Variants in CA10 observed in about 807,000 individuals in gnomAD.
The protein encoded by CA10 is carbonic anhydrase 10 (inactive).
CA10 carries 14 observed loss-of-function variants against 44.2 expected under a neutral mutation model. That is an observed-to-expected ratio of 0.32 (90% CI 0.21 to 0.50). The LOEUF (loss-of-function observed/expected upper bound fraction) is 0.50. CA10 is among the 20% of genes least tolerant of loss of function. The probability of loss-of-function intolerance (pLI) is 0.99; values close to 1 mark genes in which losing one functional copy is unlikely to be tolerated. For synonymous variants in CA10, 159 were observed against 141.6 expected (o/e 1.12, Z -0.87); for missense variants, 350 against 409.7 (o/e 0.85, Z 1.26).
intron 3 of CA10, among the ~76,000 whole-genome samples, chr17:51,766,893 C>A (rs183706941): frequency 6.6e-6 from 1 of 152,282 alleles, no homozygotes; most frequent in East Asian, 1.9e-4. Context: ...CTAAGTTCAA[C>A]ATCCTGCCAG....
In CA10 at chr17:51,717,700, T is replaced by TGTATATATACATATATAC. The variant is rs1164592927; in HGVS notation, c.465+29915_465+29932dup. 4.3e-4 allele frequency among the ~76,000 whole-genome samples: 29 copies of TGTATATATACATATATAC among 67,516 alleles called. 2 individuals are homozygous for TGTATATATACATATATAC. The highest frequency in any genetic ancestry group is 1.2e-3 in the Admixed American group (6 of 4,922). 44.3% of individuals were successfully genotyped at this position (67,516 alleles called of 152,430 possible). On this transcript the variant is annotated intron_variant, in intron 4 of 8. Coordinates refer to ENST00000451037, the MANE Select transcript of CA10 (RefSeq NM_020178.5). The stretch of plus-strand genomic sequence containing the variant: ...ATGTATATATGTATACATATATGCA[T>TGTATATATACATATATAC]GTATATATACATATATACGTATATA...
At chr17:51,825,706 G>A (rs919429386) in intron 3 of CA10, among the ~76,000 whole-genome samples, 5 of 152,140 alleles carry the variant, frequency 3.3e-5, no homozygotes, top group African/African-American at 4.8e-5. Context: ...ATAGTGTCTT[G>A]CCTATGACTC....
intron 3 of CA10, among the ~76,000 whole-genome samples, chr17:51,756,647 T>G (rs1905089796): frequency 1.3e-5 from 2 of 151,962 alleles, no homozygotes; most frequent in African/African-American, 4.8e-5. Context: ...CTTTTTTTTT[T>G]TGTATTTTTT....
intron 2 of CA10, among the ~76,000 whole-genome samples, chr17:52,070,052 G>GCC (rs1490280006): frequency 1.3e-5 from 2 of 152,178 alleles, no homozygotes; most frequent in African/African-American, 4.8e-5. Context: ...AGATGTTAGA[G>GCC]CCCCAGGTTC....
chr17:52,007,403 G>A (rs988870220), intron 2 of CA10, among the ~76,000 whole-genome samples: 4 of 151,636 alleles, frequency 2.6e-5, no homozygotes, highest in Middle Eastern at 3.6e-3. Flanking sequence ...TAGATTAAGA[G>A]TATTTGATCC....
chr17:52,053,594 T>C (rs1201538783), intron 2 of CA10, among the ~76,000 whole-genome samples: 1 of 152,038 alleles, frequency 6.6e-6, no homozygotes, highest in East Asian at 1.9e-4. Flanking sequence ...GAATGGACAT[T>C]GCTGAAAGCC....
At chr17:51,674,742 T>G (rs1914555028) in intron 4 of CA10, among the ~76,000 whole-genome samples, 1 of 152,208 alleles carries the variant, frequency 6.6e-6, no homozygotes, top group East Asian at 1.9e-4. Context: ...AGCAGTTCAC[T>G]TAACATTTTA....
chr17:52,064,579 TA>T (rs1231350207), intron 2 of CA10, among the ~76,000 whole-genome samples: 8 of 134,464 alleles, frequency 5.9e-5, no homozygotes, highest in Non-Finnish European at 8.1e-5. Flanking sequence ...TTTTTTTTTT[TA>T]AAGTGGACAT....
chr17:52,074,179 T>G (rs1987758013), intron 1 of CA10, among the ~76,000 whole-genome samples: 1 of 152,156 alleles, frequency 6.6e-6, no homozygotes, highest in Non-Finnish European at 1.5e-5. Flanking sequence ...ACAACTACTT[T>G]GTAATGCTCA....
At chr17:51,913,999 C>A (rs897725260) in intron 3 of CA10, among the ~76,000 whole-genome samples, 2 of 152,228 alleles carry the variant, frequency 1.3e-5, no homozygotes, top group Middle Eastern at 3.4e-3. Context: ...TTAAATTATG[C>A]ACATCATATG....
At chr17:51,831,263 T>C (rs1041763354) in intron 3 of CA10, among the ~76,000 whole-genome samples, 1 of 152,244 alleles carries the variant, frequency 6.6e-6, no homozygotes, top group African/African-American at 2.4e-5. Context: ...CTGGCCCTCA[T>C]GGAGAGTCTG....
intron 6 of CA10, among the ~76,000 whole-genome samples, chr17:51,639,174 T>C (rs1316661373): frequency 6.6e-6 from 1 of 152,122 alleles, no homozygotes; most frequent in Non-Finnish European, 1.5e-5. Flanking sequence ...GATTAACATA[T>C]TGAATAAGAG....
intron 3 of CA10, among the ~76,000 whole-genome samples, chr17:51,831,678 G>GCAGCAGCAGCAGCAGCAGCAT (rs1555604036): frequency 0.058 from 2,821 of 49,056 alleles, 97 homozygotes; most frequent in African/African-American, 0.15. Flanking sequence ...AGCAGCAGCA[G>GCAGCAGCAGCAGCAGCAGCAT]CAGCAGCAGC....
At chr17:51,723,104 C>G (rs2106336) in intron 4 of CA10, among the ~76,000 whole-genome samples, 22 of 152,178 alleles carry the variant, frequency 1.4e-4, no homozygotes, top group Admixed American at 9.8e-4. Flanking sequence ...TATTAATGAG[C>G]CTTTCAAGAT....
chr17:51,837,492 T>C (rs976206133), intron 3 of CA10, among the ~76,000 whole-genome samples: 4 of 152,216 alleles, frequency 2.6e-5, no homozygotes, highest in African/African-American at 9.6e-5. Flanking sequence ...CACTGATGTC[T>C]GGAAATTATG....
At chr17:51,786,216 G>GTGTT (rs138003568) in intron 3 of CA10, among the ~76,000 whole-genome samples, 5 of 148,374 alleles carry the variant, frequency 3.4e-5, no homozygotes, top group Non-Finnish European at 7.5e-5. Flanking sequence ...TTGTGTGTCT[G>GTGTT]TGTGTGTGTG....
chr17:51,643,004 G>C (rs1913157226), intron 6 of CA10, among the ~76,000 whole-genome samples: 1 of 152,074 alleles, frequency 6.6e-6, no homozygotes, highest in South Asian at 2.1e-4. Context: ...TAAATGAATG[G>C]GGGCATGCGA....
intron 1 of CA10, among the ~76,000 whole-genome samples, chr17:52,130,149 G>T (rs1397470376): frequency 1.3e-5 from 2 of 152,260 alleles, no homozygotes; most frequent in African/African-American, 4.8e-5. Flanking sequence ...AAAGATGAAA[G>T]ATAACAAGTG....
At chr17:51,930,227 C>CCTGAG in intron 3 of CA10, among the ~76,000 whole-genome samples, 1 of 151,744 alleles carries the variant, frequency 6.6e-6, no homozygotes, top group Non-Finnish European at 1.5e-5. Context: ...TTCCATTTCT[C>CCTGAG]TTAACAATAG....
Sources: gnomAD v4.1 joint callset for allele counts (sites outside exome capture counted in the v4.1 genomes callset) on GRCh38, gnomAD v4.1.1 for gene constraint, MANE v1.5 for transcripts, NCBI Gene and HGNC (gene_info 2026-07-23, HGNC 2026-07-21) for gene names.